The following ZMAT3 variants were observed in gnomAD, a reference collection of about 807,000 sequenced individuals.
ZMAT3 encodes zinc finger matrin-type protein 3.
A neutral mutation model predicts 32.3 loss-of-function variants in ZMAT3; 17 were observed. The observed-to-expected ratio is 0.53, with a 90% CI of 0.36 to 0.79. The LOEUF is 0.79. ZMAT3 is among the 30% of genes least tolerant of loss of function. ZMAT3 has a pLI of 0.00. For synonymous variants in ZMAT3, 120 were observed against 133.1 expected (o/e 0.90, Z 0.68); for missense variants, 329 against 359.7 (o/e 0.91, Z 0.69).
intron 2 of ZMAT3, among the ~76,000 whole-genome samples, chr3:179,040,292 C>T (rs775049387): frequency 1.1e-4 from 16 of 151,998 alleles, no homozygotes; most frequent in African/African-American, 3.6e-4. Flanking sequence ...ACATTCACCA[C>T]GGTTGAAATG....
Position 179,046,210 on chromosome 3 carries a change from A to AG in ZMAT3, c.271-15212_271-15211insC. On this transcript the variant is annotated intron_variant, in intron 2 of 5. Coordinates refer to ENST00000311417, the MANE Select transcript of ZMAT3 (RefSeq NM_022470.4). The surrounding 1 kb of genome is among the most constrained non-coding windows in gnomAD (Gnocchi z 4.3). ...CATGACTACAGGAACACAGTCCATG[A>AG]AAAGGCAGAAGAGGTACCCAGTACT... is the stretch of plus-strand genomic sequence containing the variant. 6.6e-6 allele frequency among the ~76,000 whole-genome samples: 1 copy of AG among 152,334 alleles called. No individual in the cohort carries two copies. Among genetic ancestry groups the AG allele is most frequent in the Non-Finnish European group, 1.5e-5 (1 of 68,032 alleles).
rs776366514 is a variant in ZMAT3, at chr3:179,018,876, T to G, written c.*6141A>C. The G allele has an allele frequency of 9.9e-5, 15 of 152,272 alleles. No individual in the cohort carries two copies. The highest frequency in any genetic ancestry group is 2.6e-4 in the Admixed American group (4 of 15,286). The allele number at this position is 152,272 out of a possible 1,614,324, so 9.4% of individuals were successfully genotyped here. On this transcript the variant is annotated 3_prime_UTR_variant, in exon 6 of 6. Coordinates refer to ENST00000311417, the MANE Select transcript of ZMAT3 (RefSeq NM_022470.4). ...AAATTCTTTAGAAAAATTAATAGTT[T>G]CAACTTACTAAGCTACTTAATCTGC...
In ZMAT3 at chr3:179,022,081, A is replaced by G. The variant is rs1718575516; in HGVS notation, c.*2936T>C. ...AACACATAGCTCTTTTTTAGTGCAA[A>G]GAAATATAGCAAGTAAGAAATAACA... On this transcript the variant is annotated 3_prime_UTR_variant, in exon 6 of 6. Transcript: ENST00000311417. 1 of 152,236 alleles carries G rather than the reference A, an allele frequency of 6.6e-6. No homozygotes were observed. Among genetic ancestry groups the G allele is most frequent in the Non-Finnish European group, 1.5e-5 (1 of 68,030 alleles). The allele number at this position is 152,236 out of a possible 1,614,324, so 9.4% of individuals were successfully genotyped here.
chr3:179,067,424 T>C (rs1197607414), intron 2 of ZMAT3, 59 bp downstream of exon 2: 25 of 1,571,246 alleles, frequency 1.6e-5, no homozygotes, highest in East Asian at 2.3e-5. Flanking sequence ...AACTGCTAAA[T>C]AGCCAGAGCC....
upstream of ZMAT3, chr3:179,072,125 C>A (rs1269991672): frequency 6.6e-6 from 1 of 152,562 alleles, no homozygotes; most frequent in Admixed American, 6.5e-5. Flanking sequence ...AGAGCTTTTG[C>A]AACTTTCATC....
At chr3:179,054,740 G>A (rs1720745101) in intron 2 of ZMAT3, among the ~76,000 whole-genome samples, 1 of 152,108 alleles carries the variant, frequency 6.6e-6, no homozygotes, top group African/African-American at 2.4e-5. Context: ...GCTGCTTGCC[G>A]CCATCGCAGA....
chr3:179,017,769 A>G lies in ZMAT3; in HGVS notation c.*7248T>C, dbSNP rs1022367322. On this transcript the variant is annotated 3_prime_UTR_variant, in exon 6 of 6. Transcript: ENST00000311417. Reference sequence around the variant, plus strand: ...AAAACAATAACTGCATTAAAATGCAACCTTAATGGTGAAAGCAAAATCGGT... The same window carrying G: ...AAAACAATAACTGCATTAAAATGCAGCCTTAATGGTGAAAGCAAAATCGGT... The G allele has an allele frequency of 1.8e-4, 27 of 152,198 alleles. No individual in the cohort carries two copies. The highest frequency in any genetic ancestry group is 6.5e-4 in the African/African-American group (27 of 41,460). 9.4% of individuals were successfully genotyped at this position (152,198 alleles called of 1,614,324 possible). A position where few individuals can be genotyped will look rare whatever the true frequency, so the allele number is the denominator to read the frequency against.
At chr3:179,055,835 A>G (rs1484270471) in intron 2 of ZMAT3, among the ~76,000 whole-genome samples, 9 of 152,298 alleles carry the variant, frequency 5.9e-5, no homozygotes, top group African/African-American at 2.2e-4. Context: ...GCAGCCCGAG[A>G]GTTTGGCGAT....
intron 1 of ZMAT3, 59 bp downstream of exon 1, chr3:179,071,535 TC>T (rs1168834889): frequency 6.6e-6 from 1 of 152,318 alleles, no homozygotes; most frequent in Non-Finnish European, 1.5e-5. Flanking sequence ...GAACCGCTAG[TC>T]CCCGGCGCTC....
chr3:179,069,352 C>T (rs1476644424), intron 1 of ZMAT3, among the ~76,000 whole-genome samples: 4 of 152,088 alleles, frequency 2.6e-5, no homozygotes, highest in African/African-American at 4.8e-5. Context: ...CCCCAGATGG[C>T]GCCGTCTAAC....
chr3:179,025,088 T>C lies in ZMAT3; in HGVS notation c.799A>G (p.Ser267Gly). The change falls in exon 6 of 6, where the codon AGC becomes GGC. Residue 267 changes from serine to glycine, a missense_variant. Ser to Gly is a moderately conservative substitution (Grantham distance 56). Coordinates refer to ENST00000311417, the MANE Select transcript of ZMAT3 (RefSeq NM_022470.4). ...GACACCTTGCTCTTATGTTGCTTGCTCTCTAAATGCTGCCGGAATTCCATC... is the reference window on the plus strand; with the variant it reads ...GACACCTTGCTCTTATGTTGCTTGCCCTCTAAATGCTGCCGGAATTCCATC... Reference protein sequence around the residue: ...EEMEFRQHLESKQHKSKVSEQ... With the variant: ...EEMEFRQHLEGKQHKSKVSEQ... 1 of 1,614,220 alleles carries C rather than the reference T, an allele frequency of 6.2e-7. No homozygotes were observed. The highest frequency in any genetic ancestry group is 1.1e-5 in the South Asian group (1 of 91,084).
chr3:179,034,227 C>T (rs550114351), intron 2 of ZMAT3, among the ~76,000 whole-genome samples: 27 of 152,288 alleles, frequency 1.8e-4, no homozygotes, highest in African/African-American at 6.5e-4. Context: ...GAGACAGATA[C>T]CTAAGCAGCT....
intron 2 of ZMAT3, among the ~76,000 whole-genome samples, chr3:179,054,395 T>C (rs1318619165): frequency 6.6e-6 from 1 of 152,242 alleles, no homozygotes; most frequent in East Asian, 1.9e-4. Context: ...AATACTAGTC[T>C]GACCTCAAAG....
rs1194165103 is a variant in ZMAT3 at position 179,019,163 on chromosome 3, G to A, written c.*5854C>T. On this transcript the variant is annotated 3_prime_UTR_variant, in exon 6 of 6. Coordinates refer to ENST00000311417, the MANE Select transcript of ZMAT3 (RefSeq NM_022470.4). Reference sequence around the variant, plus strand: ...ATTATATTGAAACTTTAAAATTTATGACAAGCACTTAAAAATGACCAATTC... The same window carrying A: ...ATTATATTGAAACTTTAAAATTTATAACAAGCACTTAAAAATGACCAATTC... The A allele has an allele frequency of 2.0e-5, 3 of 151,838 alleles. No individual in the cohort carries two copies. The highest frequency in any genetic ancestry group is 2.0e-4 in the Admixed American group (3 of 15,242). The allele number at this position is 151,838 out of a possible 1,614,324, so 9.4% of individuals were successfully genotyped here. A position where few individuals can be genotyped will look rare whatever the true frequency, so the allele number is the denominator to read the frequency against.
Position 179,030,966 on chromosome 3 carries a change from A to G in ZMAT3, c.304T>C (p.Tyr102His). The change falls in exon 3 of 6, where the codon TAT becomes CAT. Residue 102 changes from tyrosine to histidine, a missense_variant. Tyr to His is a moderately conservative substitution (Grantham distance 83). Transcript: ENST00000311417. ...GGAGGAGGACAGCTATTTGCTGCAT[A>G]GTAATTTCGGAGTTTCTTACCATGA... ...KNHGKKLRNY[Y>H]AANSCPPPAR... The G allele has an allele frequency of 6.2e-7, 1 of 1,613,660 alleles. No homozygotes were observed. The highest frequency in any genetic ancestry group is 8.5e-7 in the Non-Finnish European group (1 of 1,179,798).
intron 3 of ZMAT3, among the ~76,000 whole-genome samples, chr3:179,028,757 T>C (rs1719019429): frequency 6.6e-6 from 1 of 152,186 alleles, no homozygotes. Flanking sequence ...CACAAATCCA[T>C]GAGAAGGAAG....
intron 2 of ZMAT3, among the ~76,000 whole-genome samples, chr3:179,059,459 A>C (rs1036254390): frequency 4.6e-5 from 7 of 152,212 alleles, no homozygotes; most frequent in African/African-American, 1.7e-4. Context: ...GCCTTTTCAA[A>C]ACTATCAAGC....
At chr3:179,032,646 C>T (rs554943642) in intron 2 of ZMAT3, among the ~76,000 whole-genome samples, 2 of 151,928 alleles carry the variant, frequency 1.3e-5, no homozygotes, top group African/African-American at 2.4e-5. Context: ...CACCTCTGCC[C>T]GGCCGCGACC....
In ZMAT3 at chr3:179,027,468, T is replaced by C; in HGVS notation, c.613A>G (p.Met205Val). The C allele has an allele frequency of 6.2e-7, 1 of 1,614,204 alleles. No homozygotes were observed. Reference protein sequence around the residue: ...RARKEGNEFKMMPNRRNMYTV... With the variant: ...RARKEGNEFKVMPNRRNMYTV... ...TACATATTTCTCCTGTTAGGCATCA[T>C]CTTAAACTCATTCCCTTCTTTCCTG... The change falls in exon 5 of 6, where the codon ATG becomes GTG. Residue 205 changes from methionine (M) to valine (V), a missense_variant. By Grantham distance (21) the Met-to-Val change is conservative (BLOSUM62 1). Transcript: ENST00000311417.
Sources: gnomAD v4.1 joint callset for allele counts (sites outside exome capture counted in the v4.1 genomes callset) on GRCh38, gnomAD v4.1.1 for gene constraint, Gnocchi (gnomAD v3.1) non-coding constraint, MANE v1.5 for transcripts, NCBI Gene and HGNC (gene_info 2026-07-23, HGNC 2026-07-21) for gene names.